Variants in TMTC2 observed in about 807,000 individuals in gnomAD.
TMTC2 encodes protein O-mannosyl-transferase TMTC2.
TMTC2 carries 43 observed loss-of-function variants against 82.4 expected under a neutral mutation model. The observed-to-expected ratio is 0.52, with a 90% confidence interval of 0.41 to 0.67. The LOEUF is 0.67. TMTC2 is among the 30% of genes least tolerant of loss of function. The pLI, the probability that TMTC2 is intolerant of heterozygous loss-of-function variation, is 0.00. For synonymous variants in TMTC2, 408 were observed against 381.9 expected (o/e 1.07, Z -0.80); for missense variants, 919 against 1,012.4 (o/e 0.91, Z 1.25).
At chr12:82,759,284 T>C (rs920183286) in intron 1 of TMTC2, 1 of 152,198 alleles carries the variant, frequency 6.6e-6, no homozygotes, top group African/African-American at 2.4e-5. Flanking sequence ...TTTTGAACCC[T>C]GCCCAATACC....
chr12:82,962,914 A>T (rs1200200911), intron 4 of TMTC2, among the ~76,000 whole-genome samples: 1 of 152,000 alleles, frequency 6.6e-6, no homozygotes, highest in East Asian at 1.9e-4. Context: ...TCTGTGTAGG[A>T]GGGTCTCAAG....
At chr12:82,713,068 C>G in intron 1 of TMTC2, among the ~76,000 whole-genome samples, 1 of 152,028 alleles carries the variant, frequency 6.6e-6, no homozygotes, top group East Asian at 1.9e-4. Flanking sequence ...ACCTGTAATC[C>G]CAGCACTTTG....
intron 10 of TMTC2, among the ~76,000 whole-genome samples, chr12:83,052,108 A>G (rs542351494): frequency 6.6e-6 from 1 of 152,168 alleles, no homozygotes; most frequent in South Asian, 2.1e-4. Context: ...CGTGGCTTCC[A>G]GGGATAGATT....
At position 82,964,990 on chromosome 12, in the gene TMTC2, G is replaced by A. The variant is rs1416524697; in HGVS notation, c.1599-34G>A. 3 of 1,518,538 alleles carry A rather than the reference G, an allele frequency of 2.0e-6. No homozygotes were observed. The Admixed American group carries it at 5.3e-5, about 27-fold the overall frequency. The allele number at this position is 1,518,538 out of a possible 1,614,324, so 94.1% of individuals were successfully genotyped here. A position where few individuals can be genotyped will look rare whatever the true frequency, so the allele number is the denominator to read the frequency against. On this transcript the variant is annotated intron_variant, in intron 4 of 11. Transcript: ENST00000321196. ...TTGTGGTTTTATATATAATAATACAGTCCTTTCTCTAAATTTCTGTTTTCC... is the reference window on the plus strand; with the variant it reads ...TTGTGGTTTTATATATAATAATACAATCCTTTCTCTAAATTTCTGTTTTCC...
At position 83,000,584 on chromosome 12, in the gene TMTC2, T is replaced by G. The variant is rs147811470; in HGVS notation, c.2070+14538T>G. On this transcript the variant is annotated intron_variant, in intron 8 of 11. Coordinates refer to ENST00000321196, the MANE Select transcript of TMTC2 (RefSeq NM_152588.3). ...ATAGCCCTCCTCTTGGCTGCTTTCA[T>G]GGGCTGGTGTTGTGTGTCTGTGGCC... 5.7e-3 allele frequency among the ~76,000 whole-genome samples: 862 copies of G among 152,310 alleles called. 6 individuals carry two copies. The highest frequency in any genetic ancestry group is 0.02 in the African/African-American group (811 of 41,576).
At chr12:82,742,207 C>G (rs1304226211) in intron 1 of TMTC2, among the ~76,000 whole-genome samples, 1 of 152,090 alleles carries the variant, frequency 6.6e-6, no homozygotes, top group African/African-American at 2.4e-5. Flanking sequence ...TGTCTGCATC[C>G]TTATGACCCA....
At chr12:82,790,827 C>CA (rs538804442) in intron 1 of TMTC2, among the ~76,000 whole-genome samples, 2,999 of 87,494 alleles carry the variant, frequency 0.034, 55 homozygotes, top group Middle Eastern at 0.055. Flanking sequence ...AACTCTGTCT[C>CA]AAAAAAAAAA....
At chr12:83,038,738 A>G (rs1881770026) in intron 9 of TMTC2, among the ~76,000 whole-genome samples, 1 of 152,208 alleles carries the variant, frequency 6.6e-6, no homozygotes, top group Admixed American at 6.5e-5. Context: ...CTATGTCATT[A>G]GAAAGCAAAA....
At chr12:83,062,921 A>C (rs1024228629) in intron 11 of TMTC2, among the ~76,000 whole-genome samples, 2 of 151,786 alleles carry the variant, frequency 1.3e-5, no homozygotes, top group African/African-American at 4.8e-5. Flanking sequence ...TCGAAGTTTT[A>C]TTTGTAGGGG....
chr12:82,692,835 A>G (rs1434928678), intron 1 of TMTC2, among the ~76,000 whole-genome samples: 1 of 152,214 alleles, frequency 6.6e-6, no homozygotes, highest in Non-Finnish European at 1.5e-5. Context: ...AAGTGGAGGG[A>G]TATTTCAGCA....
intron 1 of TMTC2, among the ~76,000 whole-genome samples, chr12:82,829,751 C>G (rs1391044348): frequency 6.6e-6 from 1 of 152,126 alleles, no homozygotes; most frequent in Admixed American, 6.5e-5. Flanking sequence ...CTCATCTACT[C>G]ATAAATGTCA....
At chr12:82,765,533 G>C (rs1351381395) in intron 1 of TMTC2, among the ~76,000 whole-genome samples, 2 of 152,060 alleles carry the variant, frequency 1.3e-5, no homozygotes, top group African/African-American at 4.8e-5. Context: ...AATTAGCTGG[G>C]TGTGGTGGCA....
intron 1 of TMTC2, among the ~76,000 whole-genome samples, chr12:82,719,085 A>ATATATATATATATTTTTT (rs1282211374): frequency 9.7e-5 from 4 of 41,414 alleles, no homozygotes; most frequent in East Asian, 9.7e-4. Flanking sequence ...ATATATATAT[A>ATATATATATATATTTTTT]TTTTTTTTTT....
intron 4 of TMTC2, among the ~76,000 whole-genome samples, chr12:82,955,259 C>T (rs1796189): frequency 0.69 from 105,018 of 152,014 alleles, 37,854 homozygotes; most frequent in South Asian, 0.84. Context: ...CAAATATCCC[C>T]TGGGGTGGGA....
intron 9 of TMTC2, among the ~76,000 whole-genome samples, chr12:83,032,285 A>ATG (rs1555206991): frequency 0.047 from 3,982 of 85,618 alleles, 104 homozygotes; most frequent in Non-Finnish European, 0.061. Flanking sequence ...ATATATATAT[A>ATG]TATATATATA....
At chr12:82,918,538 A>G (rs1875157734) in intron 3 of TMTC2, among the ~76,000 whole-genome samples, 1 of 152,228 alleles carries the variant, frequency 6.6e-6, no homozygotes. Flanking sequence ...CTGAAGCACG[A>G]AACAAGAATG....
intron 9 of TMTC2, among the ~76,000 whole-genome samples, chr12:83,041,943 T>A (rs1265797600): frequency 6.6e-6 from 1 of 152,138 alleles, no homozygotes; most frequent in African/African-American, 2.4e-5. Context: ...CACAAACACA[T>A]TGGTGGGGCA....
chr12:83,019,843 T>C (rs992792066), intron 8 of TMTC2, among the ~76,000 whole-genome samples: 2 of 152,168 alleles, frequency 1.3e-5, no homozygotes, highest in Non-Finnish European at 2.9e-5. Flanking sequence ...AGAGTGATAT[T>C]CATAAAACAG....
intron 1 of TMTC2, among the ~76,000 whole-genome samples, chr12:82,770,597 A>G (rs1399069225): frequency 6.6e-6 from 1 of 151,988 alleles, no homozygotes; most frequent in Non-Finnish European, 1.5e-5. Context: ...GGGAAGATTG[A>G]TTTGTCCCGA....
Sources: allele counts gnomAD v4.1 joint callset (sites outside exome capture counted in the v4.1 genomes callset), GRCh38; gene constraint gnomAD v4.1.1; transcripts MANE v1.5; gene names NCBI Gene and HGNC (gene_info 2026-07-23, HGNC 2026-07-21).